The following BBOF1 variants were observed in gnomAD, a reference collection of about 807,000 sequenced individuals.
BBOF1 encodes basal body orientation factor 1, also known as basal body-orientation factor 1.
A neutral mutation model predicts 68.0 loss-of-function variants in BBOF1; 62 were observed. The observed-to-expected ratio is 0.91, with a 90% confidence interval of 0.74 to 1.13. BBOF1 has a LOEUF of 1.13. Ranked by LOEUF, BBOF1 falls within the 50% of genes most tolerant of loss-of-function variation. The probability of loss-of-function intolerance (pLI) is 0.00; values close to 1 mark genes in which losing one functional copy is unlikely to be tolerated. For missense variants in BBOF1, 534 were observed against 600.1 expected (o/e 0.89, Z 1.15); for synonymous variants, 208 against 198.8 (o/e 1.05, Z -0.39).
At chr14:74,064,581 C>A in intron 11 of BBOF1, 107 bp from the exon 12 acceptor site, 3 of 1,066,052 alleles carry the variant, frequency 2.8e-6, no homozygotes, top group Non-Finnish European at 4.4e-6. Flanking sequence ...ATGGCATATA[C>A]AAAGGCTTAG....
At chr14:74,056,241 C>T (rs1385968785) in intron 9 of BBOF1, among the ~76,000 whole-genome samples, 1 of 139,562 alleles carries the variant, frequency 7.2e-6, no homozygotes, top group Non-Finnish European at 1.5e-5. Flanking sequence ...CATTCTGTTG[C>T]CCAGGCTGGA....
intron 11 of BBOF1, chr14:74,057,729 A>C: frequency 8.6e-7 from 1 of 1,169,410 alleles, no homozygotes; most frequent in Non-Finnish European, 1.1e-6. Flanking sequence ...GAATCTGAGA[A>C]ATTTCAAATG....
downstream of BBOF1, chr14:74,066,773 G>A (rs781767219): frequency 2.2e-5 from 35 of 1,613,668 alleles, no homozygotes; most frequent in Admixed American, 3.3e-5. Flanking sequence ...TTAATTTTTC[G>A]TCCATCAAGA....
chr14:74,035,854 A>T (rs11846648), intron 4 of BBOF1, among the ~76,000 whole-genome samples: 2,023 of 148,432 alleles, frequency 0.014, 44 homozygotes, highest in African/African-American at 0.045. Context: ...TAGCCTTCAA[A>T]GTCACATAGC....
At chr14:74,052,175 G>A (rs574361725) in intron 8 of BBOF1, among the ~76,000 whole-genome samples, 11 of 151,596 alleles carry the variant, frequency 7.3e-5, no homozygotes, top group African/African-American at 1.5e-4. Context: ...TTTTGTTTAC[G>A]AAATAGTAAG....
At chr14:74,021,195 CA>C (rs1458095560) in intron 1 of BBOF1, among the ~76,000 whole-genome samples, 1 of 152,122 alleles carries the variant, frequency 6.6e-6, no homozygotes, top group Non-Finnish European at 1.5e-5. Flanking sequence ...AATGCTTATA[CA>C]ATAAATATTT....
At chr14:74,045,686 T>TAGGGTAA (rs2059933550) in intron 5 of BBOF1, among the ~76,000 whole-genome samples, 1 of 152,088 alleles carries the variant, frequency 6.6e-6, no homozygotes, top group Non-Finnish European at 1.5e-5. Flanking sequence ...GAGATCAAGA[T>TAGGGTAA]TAGGGTGGAG....
Position 74,055,702 on chromosome 14 carries a change from G to A in BBOF1, c.1388+17G>A. 6.5e-7 allele frequency: 1 copy of A among 1,546,384 alleles called. No individual in the cohort carries two copies. The highest frequency in any genetic ancestry group is 8.9e-7 in the Non-Finnish European group (1 of 1,120,524). On this transcript the variant is annotated intron_variant, in intron 9 of 11. Coordinates refer to ENST00000394009, the MANE Select transcript of BBOF1 (RefSeq NM_025057.3). Reference sequence around the variant, plus strand: ...TCCTTCTAGGTAACTCCCTATTTCTGCAGTGAAATACCAAGTTGTTATCAA... The same window carrying A: ...TCCTTCTAGGTAACTCCCTATTTCTACAGTGAAATACCAAGTTGTTATCAA...
intron 9 of BBOF1, chr14:74,072,286 C>G (rs2060561047): frequency 6.2e-7 from 1 of 1,614,090 alleles, no homozygotes; most frequent in Non-Finnish European, 8.5e-7. Context: ...GCAGGAAAAG[C>G]ACGTTTGCAG....
intron 11 of BBOF1, chr14:74,057,494 G>C (rs1317375102): frequency 7.2e-7 from 1 of 1,398,508 alleles, no homozygotes. Context: ...CCTATAGGTT[G>C]CCTTTTGAAG....
At chr14:74,022,843 TA>T (rs2059334100) in intron 1 of BBOF1, 72 bp from the exon 2 acceptor site, 1 of 623,010 alleles carries the variant, frequency 1.6e-6, no homozygotes, top group East Asian at 3.2e-5. Flanking sequence ...AGTAATATAA[TA>T]GAGTTATATA....
At chr14:74,064,644 A>C (rs1375169734) in intron 11 of BBOF1, 44 bp from the exon 12 acceptor site, 2 of 1,603,408 alleles carry the variant, frequency 1.2e-6, no homozygotes, top group East Asian at 2.2e-5. Context: ...ATTCAGGAAG[A>C]AGCAGCTTTG....
chr14:74,078,116 C>G, intron 9 of BBOF1: 1 of 444,570 alleles, frequency 2.2e-6, no homozygotes, highest in Admixed American at 2.5e-5. Context: ...CTTTGCTATT[C>G]CACAACTTTA....
intron 5 of BBOF1, among the ~76,000 whole-genome samples, chr14:74,045,132 T>G (rs1341553972): frequency 6.6e-6 from 1 of 152,162 alleles, no homozygotes; most frequent in South Asian, 2.1e-4. Flanking sequence ...CATGTAACAT[T>G]CTTAGAACTG....
intron 11 of BBOF1, 61 bp downstream of exon 11, chr14:74,057,319 C>G: frequency 6.2e-7 from 1 of 1,608,552 alleles, no homozygotes; most frequent in Non-Finnish European, 8.5e-7. Flanking sequence ...CATGTCGCTT[C>G]TTGCTAAATC....
intron 7 of BBOF1, chr14:74,048,368 GA>G (rs1489586183): frequency 4.7e-6 from 1 of 214,814 alleles, no homozygotes; most frequent in Non-Finnish European, 9.2e-6. Flanking sequence ...AGTCACTTAG[GA>G]ATACATTTAG....
chr14:74,042,503 A>G (rs2059844643), intron 5 of BBOF1, among the ~76,000 whole-genome samples: 1 of 152,174 alleles, frequency 6.6e-6, no homozygotes, highest in Non-Finnish European at 1.5e-5. Context: ...CCTTTCCTTC[A>G]TGGTTACAAG....
At position 74,046,117 on chromosome 14, in the gene BBOF1, C is replaced by T. The variant is rs371096556; in HGVS notation, c.634C>T (p.His212Tyr). ...KIIMLAERAHHEAIVQLNDAG... is the reference protein window; with the variant it reads ...KIIMLAERAHYEAIVQLNDAG... ...AATAATGCTAGCAGAGAGAGCCCAC[C>T]ATGAGGCTATTGTGTAAGAGACTGC... Residue 212 changes from histidine (H) to tyrosine (Y), a missense_variant, in exon 6 of 12, where the codon CAT becomes TAT. Physicochemically the swap from His to Tyr is moderately conservative, Grantham distance 83. Coordinates refer to ENST00000394009, the MANE Select transcript of BBOF1 (RefSeq NM_025057.3). The T allele has an allele frequency of 2.9e-5, 47 of 1,607,510 alleles. No individual in the cohort carries two copies. Among genetic ancestry groups the T allele is most frequent in the Non-Finnish European group, 3.9e-5 (46 of 1,176,912 alleles).
chr14:74,072,198 CA>C (rs2060559687), intron 9 of BBOF1: 2 of 1,614,186 alleles, frequency 1.2e-6, no homozygotes, highest in Non-Finnish European at 1.7e-6. Flanking sequence ...ATTTAGATTT[CA>C]TACCAAGTTT....
Sources: gnomAD v4.1 joint callset for allele counts (sites outside exome capture counted in the v4.1 genomes callset) on GRCh38, gnomAD v4.1.1 for gene constraint, MANE v1.5 for transcripts, NCBI Gene and HGNC (gene_info 2026-07-23, HGNC 2026-07-21) for gene names.